Variants in MARS1 observed in about 807,000 individuals in gnomAD.
The protein encoded by MARS1 is methionine--tRNA ligase, cytoplasmic.
A neutral mutation model predicts 119.5 loss-of-function variants in MARS1; 80 were observed. The observed-to-expected ratio is 0.67, with a 90% CI of 0.56 to 0.81. MARS1 has a LOEUF of 0.81. Among genes scored for constraint, MARS1 ranks in the 30% least tolerant of loss-of-function variants. The pLI is 0.00. For missense variants in MARS1, 945 were observed against 1,116.5 expected (o/e 0.85, Z 2.19); for synonymous variants, 418 against 433.4 (o/e 0.96, Z 0.44).
At chr12:57,500,109 G>A (rs554630738) in intron 9 of MARS1, 50 of 584,514 alleles carry the variant, frequency 8.6e-5, no homozygotes, top group Non-Finnish European at 1.4e-4. Context: ...AGTGTTGAGG[G>A]GAAAGATTAT....
intron 15 of MARS1, 52 bp downstream of exon 15, chr12:57,513,016 T>C: frequency 6.8e-7 from 1 of 1,476,626 alleles, no homozygotes; most frequent in Non-Finnish European, 9.5e-7. Flanking sequence ...TGGGGCTCAT[T>C]TTCCCTCAGG....
intron 11 of MARS1, among the ~76,000 whole-genome samples, chr12:57,508,796 A>G (rs1412437025): frequency 6.6e-6 from 1 of 152,186 alleles, no homozygotes; most frequent in East Asian, 1.9e-4. Context: ...TTCTGACCTC[A>G]AATGATTCAC....
chr12:57,504,695 ATTTTTTTTT>A (rs34351056), intron 11 of MARS1, among the ~76,000 whole-genome samples: 37 of 83,586 alleles, frequency 4.4e-4, no homozygotes, highest in Non-Finnish European at 1.9e-4. Context: ...TGCCTGACTG[ATTTTTTTTT>A]TTTTTTTTTT....
chr12:57,507,128 A>C (rs1235334113), intron 11 of MARS1, among the ~76,000 whole-genome samples: 1 of 151,840 alleles, frequency 6.6e-6, no homozygotes, highest in Non-Finnish European at 1.5e-5. Context: ...TTTAACCCTG[A>C]GTGGACACAG....
In MARS1 at chr12:57,507,635, C is replaced by T. The variant is rs1441262702; in HGVS notation, c.1368+3336C>T. Among the ~76,000 whole-genome samples the T allele has an allele frequency of 7.8e-4, 101 of 130,302 alleles. 2 individuals carry two copies. In the East Asian group the frequency reaches 0.017, roughly 22 times the overall value. The allele number at this position is 130,302 out of a possible 152,430, so 85.5% of individuals were successfully genotyped here. ...TCTGGCCCCCCACCTCCCTCCCGGA[C>T]GGGGCGGCTGGCCGGGCGGGGGTCT... is the stretch of plus-strand genomic sequence containing the variant. On this transcript the variant is annotated intron_variant, in intron 11 of 20. Transcript: ENST00000262027.
At chr12:57,511,381 C>G (rs1019485417) in intron 11 of MARS1, among the ~76,000 whole-genome samples, 1 of 151,908 alleles carries the variant, frequency 6.6e-6, no homozygotes, top group Non-Finnish European at 1.5e-5. Context: ...CTCAGGAGTT[C>G]AAGACCAGCC....
At chr12:57,501,831 A>C (rs1396651925) in intron 10 of MARS1, among the ~76,000 whole-genome samples, 2 of 151,938 alleles carry the variant, frequency 1.3e-5, no homozygotes, top group South Asian at 4.2e-4. Flanking sequence ...AAAAAAAAAA[A>C]AAAACCACAA....
At position 57,508,699 on chromosome 12, in the gene MARS1, A is replaced by AG. The variant is rs1555167936; in HGVS notation, c.1369-2997dup. ...TGGGGAGAGGTAGAGGTAGAGGTAG[A>AG]GGTAGAGGGTAGAGGGTAGAGGGAG... On this transcript the variant is annotated intron_variant, in intron 11 of 20. Coordinates refer to ENST00000262027, the MANE Select transcript of MARS1 (RefSeq NM_004990.4). Among the ~76,000 whole-genome samples, 173 of 145,766 alleles carry AG rather than the reference A, an allele frequency of 1.2e-3. 1 individual carries two copies. The highest frequency in any genetic ancestry group is 4.1e-3 in the African/African-American group (161 of 39,108).
Position 57,498,242 on chromosome 12 carries a change from G to T in MARS1, c.856G>T (p.Gly286Cys). Residue 286 changes from glycine to cysteine, a missense_variant, in exon 8 of 21, where the codon GGT becomes TGT. Physicochemically the swap from Gly to Cys is radical, Grantham distance 159 (BLOSUM62 -3). Coordinates refer to ENST00000262027, the MANE Select transcript of MARS1 (RefSeq NM_004990.4). ...NNVPHLGNIIGCVLSADVFAR... is the reference protein window; with the variant it reads ...NNVPHLGNIICCVLSADVFAR... ...TGTCCCCCACCTTGGGAACATCATT[G>T]GTTGTGTGCTCAGTGCCGATGTCTT... is the stretch of plus-strand genomic sequence containing the variant. 2 of 1,614,206 alleles carry T rather than the reference G, an allele frequency of 1.2e-6. No homozygotes were observed. Among genetic ancestry groups the T allele is most frequent in the African/African-American group, 1.3e-5 (1 of 75,044 alleles).
intron 10 of MARS1, among the ~76,000 whole-genome samples, chr12:57,502,705 CAAA>C (rs35515685): frequency 1.5e-4 from 7 of 48,000 alleles, no homozygotes; most frequent in African/African-American, 2.7e-4. Context: ...GATTTTGTCT[CAAA>C]AAAAAAAAAA....
At position 57,500,458 on chromosome 12, in the gene MARS1, A is replaced by T. The variant is rs202065367; in HGVS notation, c.1229A>T (p.Tyr410Phe). 1.2e-6 allele frequency: 2 copies of T among 1,614,166 alleles called. No homozygotes were observed. The highest frequency in any genetic ancestry group is 4.5e-5 in the East Asian group (2 of 44,890). ...FVEGVCPFCG[Y>F]EEARGDQCDK... ...GAGGGCGTGTGTCCCTTCTGTGGCT[A>T]TGAGGAGGCTCGGGGTGACCAGTGT... is the stretch of plus-strand genomic sequence containing the variant. The change falls in exon 10 of 21, where the codon TAT becomes TTT. Residue 410 changes from tyrosine to phenylalanine, a missense_variant. Transcript: ENST00000262027.
intron 1 of MARS1, chr12:57,488,810 C>G: frequency 1.2e-6 from 1 of 829,692 alleles, no homozygotes. Flanking sequence ...TCTGTTGCTT[C>G]CAGCTGGCAG....
At chr12:57,516,069 C>T (rs1316735633) in intron 19 of MARS1, 78 bp downstream of exon 19, 12 of 1,473,204 alleles carry the variant, frequency 8.1e-6, no homozygotes, top group African/African-American at 1.4e-5. Flanking sequence ...GTAGTCCTCA[C>T]CCATCACTCT....
rs1002833438 is a variant in MARS1, at chr12:57,502,897, G to A, written c.1294-1328G>A. On this transcript the variant is annotated intron_variant, in intron 10 of 20. Coordinates refer to ENST00000262027, the MANE Select transcript of MARS1 (RefSeq NM_004990.4). ...AAAAATAAGCCGGGCGCGGTGGCAC[G>A]TGCCTATAATCCCAGCTACTCAGGA... 3.3e-5 allele frequency among the ~76,000 whole-genome samples: 5 copies of A among 151,686 alleles called. No individual in the cohort carries two copies. The East Asian group carries it at 5.8e-4, about 18-fold the overall frequency.
intron 11 of MARS1, among the ~76,000 whole-genome samples, chr12:57,507,687 A>G (rs71432309): frequency 0.78 from 10,077 of 12,924 alleles, 4,541 homozygotes; most frequent in Middle Eastern, 1. Context: ...CCCGGACGGG[A>G]CGGCTGGCCG....
At chr12:57,501,064 G>A (rs1278016418) in intron 10 of MARS1, among the ~76,000 whole-genome samples, 1 of 152,212 alleles carries the variant, frequency 6.6e-6, no homozygotes, top group Non-Finnish European at 1.5e-5. Flanking sequence ...GATAGGGAAG[G>A]CCTTTCAGAG....
In MARS1 at chr12:57,490,366, C is replaced by G; in HGVS notation, c.650C>G (p.Thr217Ser). ...AGCCCCGCTGAGGGAAGGGCTGTCA[C>G]CAATGAGCCTGAGGTTTGGAATAGG... ...QPSPAEGRAVTNEPEEEELAT... is the reference protein window; with the variant it reads ...QPSPAEGRAVSNEPEEEELAT... The change falls in exon 6 of 21, where the codon ACC (threonine) becomes AGC (serine). Residue 217 changes from threonine to serine, a missense_variant. Thr to Ser is a moderately conservative substitution (Grantham distance 58). Coordinates refer to ENST00000262027, the MANE Select transcript of MARS1 (RefSeq NM_004990.4). 1 of 1,612,542 alleles carries G rather than the reference C, an allele frequency of 6.2e-7. No homozygotes were observed. The highest frequency in any genetic ancestry group is 8.5e-7 in the Non-Finnish European group (1 of 1,179,976).
chr12:57,506,968 C>T (rs1351945708), intron 11 of MARS1, among the ~76,000 whole-genome samples: 2 of 149,316 alleles, frequency 1.3e-5, no homozygotes, highest in Non-Finnish European at 3.0e-5. Flanking sequence ...GAACAAAGGT[C>T]TCTGGTTTTC....
intron 10 of MARS1, among the ~76,000 whole-genome samples, chr12:57,503,021 G>T (rs912446443): frequency 6.6e-6 from 1 of 151,950 alleles, no homozygotes; most frequent in Non-Finnish European, 1.5e-5. Flanking sequence ...GTGAGACTTC[G>T]TCTCAAAAAC....
Sources: allele counts gnomAD v4.1 joint callset (sites outside exome capture counted in the v4.1 genomes callset), GRCh38; gene constraint gnomAD v4.1.1; transcripts MANE v1.5; gene names NCBI Gene and HGNC (gene_info 2026-07-23, HGNC 2026-07-21).